NTM: variants seen among roughly 807,000 people sequenced by gnomAD.
NTM encodes the protein neurotrimin.
NTM carries 13 observed loss-of-function variants against 42.1 expected under a neutral mutation model. The ratio of observed to expected loss-of-function variants is 0.31; its 90% CI spans 0.20 to 0.49. The LOEUF (loss-of-function observed/expected upper bound fraction) is 0.49, where lower values mean the gene tolerates loss of function less well. Among genes scored for constraint, NTM ranks in the 20% least tolerant of loss-of-function variants. The pLI is 0.99. For synonymous variants in NTM, 187 were observed against 179.2 expected, an observed-to-expected ratio of 1.04 and a Z score of -0.35; for missense variants, 373 against 452.8, an observed-to-expected ratio of 0.82 and a Z score of 1.60.
At chr11:131,976,691 G>C (rs990351138) in intron 2 of NTM, among the ~76,000 whole-genome samples, 7 of 152,138 alleles carry the variant, frequency 4.6e-5, no homozygotes, top group African/African-American at 1.4e-4. Flanking sequence ...CTGGAGTTCT[G>C]AGATCCATAG....
At chr11:132,303,985 A>G (rs1456351537) in intron 4 of NTM, among the ~76,000 whole-genome samples, 1 of 152,096 alleles carries the variant, frequency 6.6e-6, no homozygotes, top group Non-Finnish European at 1.5e-5. Flanking sequence ...TAGGTGACCT[A>G]CCCCATCATG....
At chr11:131,712,455 C>G (rs2077272282) in intron 1 of NTM, among the ~76,000 whole-genome samples, 1 of 152,070 alleles carries the variant, frequency 6.6e-6, no homozygotes, top group Admixed American at 6.5e-5. Flanking sequence ...TAGTAATCAT[C>G]ATATGTATAC....
intron 1 of NTM, among the ~76,000 whole-genome samples, chr11:131,597,143 C>T (rs1355327154): frequency 1.3e-5 from 2 of 152,200 alleles, no homozygotes; most frequent in African/African-American, 4.8e-5. Context: ...CTCACACACA[C>T]ACCCAGGATC....
At chr11:132,001,776 G>GCACACA (rs35551724) in intron 2 of NTM, among the ~76,000 whole-genome samples, 2,511 of 147,316 alleles carry the variant, frequency 0.017, 70 homozygotes, top group African/African-American at 0.06. Flanking sequence ...ACACAGACAG[G>GCACACA]CACACACACA....
At chr11:132,319,566 G>A (rs950069729) in intron 7 of NTM, among the ~76,000 whole-genome samples, 1 of 152,230 alleles carries the variant, frequency 6.6e-6, no homozygotes, top group African/African-American at 2.4e-5. Context: ...CAGCAAGGCT[G>A]GGGGAGGGGC....
At chr11:131,774,846 G>C (rs905918995) in intron 1 of NTM, among the ~76,000 whole-genome samples, 1 of 152,164 alleles carries the variant, frequency 6.6e-6, no homozygotes, top group Non-Finnish European at 1.5e-5. Context: ...TTTCAGAACT[G>C]CTGAGAGAAC....
At chr11:132,294,960 A>ACTTTGT (rs2094563075) in intron 4 of NTM, among the ~76,000 whole-genome samples, 1 of 152,200 alleles carries the variant, frequency 6.6e-6, no homozygotes, top group African/African-American at 2.4e-5. Context: ...CTTTTAACTA[A>ACTTTGT]GAATATTTGT....
At chr11:131,886,742 G>A (rs578186517) in intron 1 of NTM, among the ~76,000 whole-genome samples, 35 of 152,322 alleles carry the variant, frequency 2.3e-4, no homozygotes, top group Non-Finnish European at 3.8e-4. Flanking sequence ...ACCCTGGTAA[G>A]ATGACAGAGC....
At chr11:131,765,823 G>A (rs540781267) in intron 1 of NTM, among the ~76,000 whole-genome samples, 9 of 152,284 alleles carry the variant, frequency 5.9e-5, no homozygotes, top group African/African-American at 1.7e-4. Flanking sequence ...GGCCAAGATC[G>A]AGGACTGCAA....
intron 2 of NTM, among the ~76,000 whole-genome samples, chr11:132,068,212 G>T (rs2056814372): frequency 1.3e-5 from 2 of 152,184 alleles, no homozygotes; most frequent in South Asian, 2.1e-4. Context: ...TAAACAAGCT[G>T]TTAATTTCTA....
chr11:131,639,963 A>AAAAATAAAAATAAATAAT (rs376841128), intron 1 of NTM, among the ~76,000 whole-genome samples: 1 of 151,566 alleles, frequency 6.6e-6, no homozygotes, highest in African/African-American at 2.4e-5. Flanking sequence ...GTCAAAAAAT[A>AAAAATAAAAATAAATAAT]AAAATAAAAA....
chr11:132,050,299 A>T (rs1263790580), intron 2 of NTM, among the ~76,000 whole-genome samples: 1 of 152,176 alleles, frequency 6.6e-6, no homozygotes, highest in African/African-American at 2.4e-5. Flanking sequence ...CCCTGAGAGC[A>T]GCCTGGGAGC....
chr11:132,320,823 A>T (rs10894535), intron 7 of NTM, among the ~76,000 whole-genome samples: 20,317 of 151,300 alleles, frequency 0.13, 1,599 homozygotes, highest in East Asian at 0.22. Flanking sequence ...ACGCAGCTGG[A>T]GATCTGAGAA....
At chr11:132,295,950 A>G (rs2094594299) in intron 4 of NTM, among the ~76,000 whole-genome samples, 1 of 152,230 alleles carries the variant, frequency 6.6e-6, no homozygotes, top group South Asian at 2.1e-4. Flanking sequence ...GACAGTAACA[A>G]TGATGAGGAA....
intron 1 of NTM, among the ~76,000 whole-genome samples, chr11:131,704,105 A>T (rs76687873): frequency 0.025 from 3,747 of 152,254 alleles, 152 homozygotes; most frequent in African/African-American, 0.085. Flanking sequence ...ATATTGACTT[A>T]GGATCCCTGA....
intron 1 of NTM, among the ~76,000 whole-genome samples, chr11:131,875,340 G>A (rs1296974996): frequency 1.3e-5 from 2 of 152,218 alleles, no homozygotes; most frequent in Admixed American, 1.3e-4. Context: ...CTTGAAGGCA[G>A]GATCTGTGAA....
intron 1 of NTM, among the ~76,000 whole-genome samples, chr11:131,497,472 C>A (rs567408010): frequency 1.3e-5 from 2 of 151,898 alleles, no homozygotes; most frequent in African/African-American, 4.8e-5. Context: ...CAGACTTGAG[C>A]CACCGTGCCT....
At chr11:131,876,261 G>A (rs780174913) in intron 1 of NTM, among the ~76,000 whole-genome samples, 6 of 152,172 alleles carry the variant, frequency 3.9e-5, no homozygotes, top group South Asian at 2.1e-4. Context: ...ACTTGTGTGC[G>A]TGCAGTGAGG....
intron 3 of NTM, among the ~76,000 whole-genome samples, chr11:132,208,035 A>G (rs2082252306): frequency 6.6e-6 from 1 of 152,234 alleles, no homozygotes; most frequent in South Asian, 2.1e-4. Flanking sequence ...GAAAGTGATC[A>G]ATGAATATTG....
Sources: gnomAD v4.1 joint callset for allele counts (sites outside exome capture counted in the v4.1 genomes callset) on GRCh38, gnomAD v4.1.1 for gene constraint, MANE v1.5 for transcripts, NCBI Gene and HGNC (gene_info 2026-07-23, HGNC 2026-07-21) for gene names.